Variants in ZNF786 observed in about 807,000 individuals in gnomAD.
The protein encoded by ZNF786 is zinc finger protein 786.
ZNF786 carries 56 observed loss-of-function variants against 63.1 expected under a neutral mutation model. The ratio of observed to expected loss-of-function variants is 0.89; its 90% confidence interval spans 0.72 to 1.11. The LOEUF (loss-of-function observed/expected upper bound fraction) is 1.11, where lower values mean the gene tolerates loss of function less well. Ranked by LOEUF, ZNF786 falls within the 50% of genes least tolerant of loss-of-function variation. ZNF786 has a pLI of 0.00. For synonymous variants in ZNF786, 485 were observed against 406.9 expected, an observed-to-expected ratio of 1.19 and a Z score of -2.31; for missense variants, 1,213 against 1,041.8, an observed-to-expected ratio of 1.16 and a Z score of -2.26.
In ZNF786 at chr7:149,070,278, C is replaced by A; in HGVS notation, c.*145G>T. 1.0e-6 allele frequency: 1 copy of A among 974,672 alleles called. No homozygotes were observed. 60.4% of individuals were successfully genotyped at this position (974,672 alleles called of 1,614,324 possible). On this transcript the variant is annotated 3_prime_UTR_variant, in exon 4 of 4. Coordinates refer to ENST00000491431, the MANE Select transcript of ZNF786 (RefSeq NM_152411.4). ...TCTGAAGAGAAAATCCTTTGTGGTT[C>A]TTCATATTCCTAACTTGCATGACAC...
chr7:149,087,244 GTCATT>G (rs1207569669), intron 1 of ZNF786, among the ~76,000 whole-genome samples: 1 of 152,192 alleles, frequency 6.6e-6, no homozygotes, highest in African/African-American at 2.4e-5. Flanking sequence ...AGGAAATATA[GTCATT>G]TCTGCTATAA....
At chr7:149,088,714 A>G (rs1825776375) in intron 1 of ZNF786, among the ~76,000 whole-genome samples, 1 of 152,330 alleles carries the variant, frequency 6.6e-6, no homozygotes, top group South Asian at 2.1e-4. Flanking sequence ...TTTTAATGAA[A>G]TAGAATGTGA....
chr7:149,083,548 TA>T (rs1825685442), intron 1 of ZNF786, among the ~76,000 whole-genome samples: 1 of 152,182 alleles, frequency 6.6e-6, no homozygotes, highest in Admixed American at 6.6e-5. Context: ...TTGTTTATTT[TA>T]AATGTTAGTT....
chr7:149,087,003 C>T (rs371281388), intron 1 of ZNF786, among the ~76,000 whole-genome samples: 3 of 152,188 alleles, frequency 2.0e-5, no homozygotes, highest in African/African-American at 7.2e-5. Flanking sequence ...CCAACATGCT[C>T]GGCTAATTTT....
In ZNF786 at chr7:149,070,803, A is replaced by G. The variant is rs771610664; in HGVS notation, c.1969T>C (p.Phe657Leu). Residue 657 changes from phenylalanine (F) to leucine (L), a missense_variant, in exon 4 of 4, where the codon TTT becomes CTT. By Grantham distance (22) the Phe-to-Leu change is conservative (BLOSUM62 0). Coordinates refer to ENST00000491431, the MANE Select transcript of ZNF786 (RefSeq NM_152411.4). ...TCGATGAGCTTTGAGTGTTTCACAA[A>G]GCCCTTGCCGCACTCACAGGAGAAA... is the stretch of plus-strand genomic sequence containing the variant. ...MPFSCECGKG[F>L]VKHSKLIEHI... The G allele has an allele frequency of 1.2e-6, 2 of 1,613,672 alleles. No individual in the cohort carries two copies. The highest frequency in any genetic ancestry group is 1.7e-6 in the Non-Finnish European group (2 of 1,179,934).
In ZNF786 at chr7:149,071,107, G is replaced by A. The variant is rs762104138; in HGVS notation, c.1665C>T (p.His555=). 2 of 1,611,094 alleles carry A rather than the reference G, an allele frequency of 1.2e-6. No individual in the cohort carries two copies. Among genetic ancestry groups the A allele is most frequent in the South Asian group, 1.1e-5 (1 of 90,994 alleles). ...RFRLKGILKA[H]QHTHSKERPF... ...GCCTCTCCTTGCTGTGCGTGTGCTG[G>A]TGGGCCTTCAGGATGCCCTTCAGGC... Residue 555 remains histidine, a synonymous_variant, in exon 4 of 4, where the codon CAC becomes CAT. Transcript: ENST00000491431.
chr7:149,072,595 A>C, intron 3 of ZNF786, 122 bp from the exon 4 acceptor site: 2 of 1,127,214 alleles, frequency 1.8e-6, no homozygotes, highest in Admixed American at 5.7e-5. Flanking sequence ...CCACTGAGCT[A>C]CCCAACCATG....
rs774038179 is a variant in ZNF786, at chr7:149,070,663, A to C, written c.2109T>G (p.Pro703=). 1 of 1,613,916 alleles carries C rather than the reference A, an allele frequency of 6.2e-7. No individual in the cohort carries two copies. Among genetic ancestry groups the C allele is most frequent in the South Asian group, 1.1e-5 (1 of 91,082 alleles). ...SHQGLHTGER[P]FHCPECDKNF... is the part of the protein sequence containing the mutation. ...TCTTGTCACACTCAGGGCAGTGAAA[A>C]GGCCTCTCCCCTGTGTGCAGGCCCT... Residue 703 remains proline, a synonymous_variant, in exon 4 of 4, where the codon CCT becomes CCG. Transcript: ENST00000491431.
rs1825410848 is a variant in ZNF786, at chr7:149,071,340, C to A, written c.1432G>T (p.Glu478Ter). Reference sequence around the variant, plus strand: ...CACTCTGGGCACTGAAAGGGCTTCTCGTCCGTGTGCAGCCGCTGGTGCCGC... The same window carrying A: ...CACTCTGGGCACTGAAAGGGCTTCTAGTCCGTGTGCAGCCGCTGGTGCCGC... ...LLRHQRLHTD[E>*]KPFQCPECGL... The change falls in exon 4 of 4, where the codon GAG (glutamate) becomes TAG (stop). Residue 478 changes from glutamate (E) to a stop codon, truncating the protein, a stop_gained. Coordinates refer to ENST00000491431, the MANE Select transcript of ZNF786 (RefSeq NM_152411.4). LOFTEE classifies it high-confidence loss of function. 6.2e-7 allele frequency: 1 copy of A among 1,613,132 alleles called. No homozygotes were observed. The highest frequency in any genetic ancestry group is 1.3e-5 in the African/African-American group (1 of 74,914).
At position 149,090,623 on chromosome 7, in the gene ZNF786, C is replaced by T. The variant is rs1250096466; in HGVS notation, c.18G>A (p.Arg6=). MAEPP[R]LPLTFEDVAI... is the part of the protein sequence containing the mutation. The stretch of plus-strand genomic sequence containing the variant: ...CGTCCAAACAGGCTAGCCCGCTTAC[C>T]CGAGGCGGCTCCGCCATGGTCCCCG... Residue 6 remains arginine (R), a splice_region_variant and synonymous_variant, in exon 1 of 4, where the codon CGG becomes CGA. Transcript: ENST00000491431. 1.3e-6 allele frequency: 2 copies of T among 1,592,140 alleles called. No individual in the cohort carries two copies. The highest frequency in any genetic ancestry group is 1.7e-6 in the Non-Finnish European group (2 of 1,168,286).
At chr7:149,081,430 G>A (rs1438940111) in intron 1 of ZNF786, among the ~76,000 whole-genome samples, 2 of 116,756 alleles carry the variant, frequency 1.7e-5, no homozygotes, top group African/African-American at 3.7e-5. Context: ...AGCAAGACTC[G>A]GTCTCAAAAA....
At chr7:149,079,333 C>T (rs1413189352) in intron 2 of ZNF786, among the ~76,000 whole-genome samples, 1 of 151,566 alleles carries the variant, frequency 6.6e-6, no homozygotes, top group African/African-American at 2.4e-5. Context: ...GACGTGAACC[C>T]GTAAGGCGGA....
chr7:149,081,868 C>T (rs1327963023), intron 1 of ZNF786, among the ~76,000 whole-genome samples: 1 of 152,056 alleles, frequency 6.6e-6, no homozygotes, highest in Non-Finnish European at 1.5e-5. Flanking sequence ...AAAGACTCCT[C>T]CAAAAGACTC....
intron 1 of ZNF786, among the ~76,000 whole-genome samples, chr7:149,085,716 C>T (rs1825725899): frequency 6.6e-6 from 1 of 151,846 alleles, no homozygotes; most frequent in African/African-American, 2.4e-5. Context: ...TTGATTCTTC[C>T]TATCCATGAG....
intron 1 of ZNF786, 35 bp from the exon 2 acceptor site, chr7:149,080,752 G>T: frequency 1.9e-6 from 3 of 1,560,356 alleles, no homozygotes; most frequent in Non-Finnish European, 2.6e-6. Flanking sequence ...TGCATTCATG[G>T]TTGCTTCAAA....
chr7:149,078,198 GA>G (rs1825592366), intron 2 of ZNF786, among the ~76,000 whole-genome samples: 1 of 151,624 alleles, frequency 6.6e-6, no homozygotes, highest in East Asian at 1.9e-4. Context: ...TGATAAGAAT[GA>G]AAAAAAGAGA....
At chr7:149,079,172 G>A (rs1033930258) in intron 2 of ZNF786, among the ~76,000 whole-genome samples, 3 of 152,224 alleles carry the variant, frequency 2.0e-5, no homozygotes, top group Admixed American at 2.0e-4. Flanking sequence ...ACTTCGGGAG[G>A]CTGAGGAGGG....
chr7:149,075,637 T>C (rs1825531214), intron 2 of ZNF786, among the ~76,000 whole-genome samples: 1 of 145,396 alleles, frequency 6.9e-6, no homozygotes, highest in Non-Finnish European at 1.5e-5. Context: ...CAAATCCTAC[T>C]GTGCTGACAC....
Position 149,073,705 on chromosome 7 carries a change from G to A in ZNF786, c.298+681C>T, listed in dbSNP as rs1441989891. 6.6e-5 allele frequency among the ~76,000 whole-genome samples: 9 copies of A among 135,372 alleles called. 1 individual carries two copies. The highest frequency in any genetic ancestry group is 4.6e-4 in the South Asian group (2 of 4,304). The allele number at this position is 135,372 out of a possible 152,430, so 88.8% of individuals were successfully genotyped here. ...CATTTATATACATATGTATATACACGTGTGTGTGTATATGTGTGCGTGTGT... is the reference window on the plus strand; with the variant it reads ...CATTTATATACATATGTATATACACATGTGTGTGTATATGTGTGCGTGTGT... On this transcript the variant is annotated intron_variant, in intron 3 of 3. Coordinates refer to ENST00000491431, the MANE Select transcript of ZNF786 (RefSeq NM_152411.4).
Sources: gnomAD v4.1 joint callset for allele counts (sites outside exome capture counted in the v4.1 genomes callset) on GRCh38, gnomAD v4.1.1 for gene constraint, MANE v1.5 for transcripts, NCBI Gene and HGNC (gene_info 2026-07-23, HGNC 2026-07-21) for gene names.